Variants in CHP1 observed in about 807,000 individuals in gnomAD.
The protein encoded by CHP1 is calcineurin like EF-hand protein 1, also known as calcineurin B homologous protein 1.
Under a neutral mutation model 27.4 loss-of-function variants are expected in CHP1, and 11 were observed. The ratio of observed to expected loss-of-function variants is 0.40; its 90% CI spans 0.25 to 0.67. CHP1 has a LOEUF of 0.67. Ranked by LOEUF, CHP1 falls within the 30% of genes least tolerant of loss-of-function variation. The pLI is 0.38. For synonymous variants in CHP1, 89 were observed against 87.4 expected, an observed-to-expected ratio of 1.02 and a Z score of -0.10; for missense variants, 169 against 251.3, an observed-to-expected ratio of 0.67 and a Z score of 2.22.
At chr15:41,239,782 A>T (rs2047296527) in intron 1 of CHP1, among the ~76,000 whole-genome samples, 1 of 146,526 alleles carries the variant, frequency 6.8e-6, no homozygotes, top group Admixed American at 6.9e-5. Context: ...TTTTTTATTT[A>T]TTTATTTTTT....
rs6492999 is a variant in CHP1 at position 41,256,695 on chromosome 15, T to G, written c.141-215T>G. The G allele has an allele frequency of 7.1e-4, 395 of 555,962 alleles. 1 individual carries two copies. In the African/African-American group the frequency reaches 7.1e-3, roughly 10 times the overall value. The allele number at this position is 555,962 out of a possible 1,614,324, so 34.4% of individuals were successfully genotyped here. ...GTGCTAAATTCACTGGAATGTGGCG[T>G]AATCAAATCTGGCTCCTTCCACTTC... is the stretch of plus-strand genomic sequence containing the variant. On this transcript the variant is annotated intron_variant, in intron 2 of 6. Coordinates refer to ENST00000334660, the MANE Select transcript of CHP1 (RefSeq NM_007236.5).
intron 2 of CHP1, among the ~76,000 whole-genome samples, chr15:41,248,646 C>T (rs2140928510): frequency 6.6e-6 from 1 of 152,188 alleles, no homozygotes; most frequent in Middle Eastern, 3.4e-3. Context: ...GGCGAGGAGA[C>T]TCATGCCTGT....
chr15:41,274,363 G>T (rs1167546954), intron 5 of CHP1, among the ~76,000 whole-genome samples: 1 of 152,186 alleles, frequency 6.6e-6, no homozygotes. Flanking sequence ...TGGTTCCTGG[G>T]ACCTGAGTCA....
At chr15:41,266,359 T>TA (rs573358730) in intron 4 of CHP1, among the ~76,000 whole-genome samples, 2,802 of 145,596 alleles carry the variant, frequency 0.019, 38 homozygotes, top group South Asian at 0.033. Context: ...GGATAGTGTT[T>TA]AAAAAAAAAA....
intron 2 of CHP1, among the ~76,000 whole-genome samples, chr15:41,254,374 A>G (rs1048536451): frequency 7.2e-5 from 11 of 152,228 alleles, no homozygotes; most frequent in Non-Finnish European, 1.0e-4. Context: ...TGCAATTCAA[A>G]TCAGCCTTAG....
At chr15:41,263,514 C>T (rs551412633) in intron 4 of CHP1, among the ~76,000 whole-genome samples, 2 of 152,318 alleles carry the variant, frequency 1.3e-5, no homozygotes, top group African/African-American at 4.8e-5. Context: ...CCTTACAACA[C>T]TTCTCCAGGA....
Position 41,278,897 on chromosome 15 carries a change from A to C in CHP1, c.534+8A>C. On this transcript the variant is annotated splice_region_variant and intron_variant, in intron 6 of 6. Coordinates refer to ENST00000334660, the MANE Select transcript of CHP1 (RefSeq NM_007236.5). ...TTCACAGAATTTGTTAAGGTTGGTC[A>C]CTTACTTCTTGTTTGAAAAAGTTAC... 1 of 1,613,872 alleles carries C rather than the reference A, an allele frequency of 6.2e-7. No homozygotes were observed. The highest frequency in any genetic ancestry group is 8.5e-7 in the Non-Finnish European group (1 of 1,179,898).
chr15:41,273,749 A>C (rs762676265), intron 5 of CHP1, among the ~76,000 whole-genome samples: 12 of 151,680 alleles, frequency 7.9e-5, no homozygotes, highest in Non-Finnish European at 1.5e-4. Context: ...TAAATCGATA[A>C]AGAATATATA....
At chr15:41,260,174 T>G (rs898148945) in intron 3 of CHP1, among the ~76,000 whole-genome samples, 4 of 151,962 alleles carry the variant, frequency 2.6e-5, no homozygotes, top group South Asian at 2.1e-4. Context: ...GCTGGGGTTT[T>G]TTTTTTTTTT....
rs372343707 is a variant in CHP1, at chr15:41,253,700, C to T, written c.141-3210C>T. 2.9e-4 allele frequency among the ~76,000 whole-genome samples: 44 copies of T among 151,024 alleles called. 1 individual carries two copies. The East Asian group carries it at 4.9e-3, about 17-fold the overall frequency. On this transcript the variant is annotated intron_variant, in intron 2 of 6. Coordinates refer to ENST00000334660, the MANE Select transcript of CHP1 (RefSeq NM_007236.5). ...TCATCTCTTGACCTCATGATCCTCCCGCCTCGGCCTCCCAAAGTGCTGGGA... is the reference window on the plus strand; with the variant it reads ...TCATCTCTTGACCTCATGATCCTCCTGCCTCGGCCTCCCAAAGTGCTGGGA...
At chr15:41,262,943 A>G in intron 4 of CHP1, 60 bp downstream of exon 4, 1 of 1,594,976 alleles carries the variant, frequency 6.3e-7, no homozygotes, top group Non-Finnish European at 8.6e-7. Context: ...AAAGTCATGT[A>G]TTTACTCACT....
At chr15:41,243,266 G>A (rs554654869) in intron 1 of CHP1, among the ~76,000 whole-genome samples, 1 of 152,264 alleles carries the variant, frequency 6.6e-6, no homozygotes, top group South Asian at 2.1e-4. Flanking sequence ...GCTTGAACCC[G>A]GGAGGCAGAG....
At chr15:41,255,545 C>CACTT (rs1404394514) in intron 2 of CHP1, among the ~76,000 whole-genome samples, 1 of 151,756 alleles carries the variant, frequency 6.6e-6, no homozygotes, top group East Asian at 1.9e-4. Flanking sequence ...TGGTAGCACC[C>CACTT]GCTTGTAATG....
rs78951923 is a variant in CHP1 at position 41,258,780 on chromosome 15, A to G, written c.221+1790A>G. On this transcript the variant is annotated intron_variant, in intron 3 of 6. Transcript: ENST00000334660. ...CAATCTATTCCTGGTTTATATGGAT[A>G]GTCTATGACCCACAGGACTTCAAAA... is the stretch of plus-strand genomic sequence containing the variant. Among the ~76,000 whole-genome samples, 474 of 152,328 alleles carry G rather than the reference A, an allele frequency of 3.1e-3. 3 individuals carry two copies. Among genetic ancestry groups the G allele is most frequent in the African/African-American group, 0.011 (449 of 41,570 alleles).
At chr15:41,236,215 A>G (rs1338634116) in intron 1 of CHP1, among the ~76,000 whole-genome samples, 2 of 151,522 alleles carry the variant, frequency 1.3e-5, no homozygotes, top group Non-Finnish European at 2.9e-5. Flanking sequence ...AAGTACTGGG[A>G]TTATAGATGT....
Position 41,279,784 on chromosome 15 carries a change from GCTT to G in CHP1, c.*400_*402del, listed in dbSNP as rs2047536824. On this transcript the variant is annotated 3_prime_UTR_variant, in exon 7 of 7. Transcript: ENST00000334660. ...TTCCCTCCAGCGAGTCTGCCAGCAT[GCTT>G]CTTCATCCTTTTTATATGTTCTTTG... 1.1e-5 allele frequency: 2 copies of G among 180,282 alleles called. No individual in the cohort carries two copies. Among genetic ancestry groups the G allele is most frequent in the Non-Finnish European group, 2.3e-5 (2 of 86,970 alleles). The allele number at this position is 180,282 out of a possible 1,614,324, so 11.2% of individuals were successfully genotyped here. A position where few individuals can be genotyped will look rare whatever the true frequency, so the allele number is the denominator to read the frequency against.
At chr15:41,273,420 C>T (rs564054827) in intron 5 of CHP1, among the ~76,000 whole-genome samples, 74 of 152,008 alleles carry the variant, frequency 4.9e-4, no homozygotes, top group African/African-American at 1.6e-3. Flanking sequence ...TTCACTCTGT[C>T]GCCCAGGCTG....
intron 1 of CHP1, among the ~76,000 whole-genome samples, chr15:41,238,107 T>A (rs2047286701): frequency 6.6e-6 from 1 of 152,208 alleles, no homozygotes; most frequent in Non-Finnish European, 1.5e-5. Flanking sequence ...CACAATGCAG[T>A]GATGATAGAA....
At chr15:41,247,499 G>A (rs1029572966) in intron 2 of CHP1, among the ~76,000 whole-genome samples, 7 of 149,340 alleles carry the variant, frequency 4.7e-5, no homozygotes, top group Non-Finnish European at 8.9e-5. Context: ...GTAAAACCCC[G>A]TCTCTACTAA....
Sources: allele counts gnomAD v4.1 joint callset (sites outside exome capture counted in the v4.1 genomes callset), GRCh38; gene constraint gnomAD v4.1.1; transcripts MANE v1.5; gene names NCBI Gene and HGNC (gene_info 2026-07-23, HGNC 2026-07-21).